Variants in TUBGCP3 observed in about 807,000 individuals in gnomAD.
TUBGCP3 encodes the protein tubulin gamma complex component 3, also known as gamma-tubulin complex component 3.
Under a neutral mutation model 123.1 loss-of-function variants are expected in TUBGCP3, and 50 were observed. That is an observed-to-expected ratio of 0.41 (90% CI 0.32 to 0.51). The LOEUF is 0.51. Among genes scored for constraint, TUBGCP3 ranks in the 20% least tolerant of loss-of-function variants. The probability of loss-of-function intolerance (pLI) is 0.36; values close to 1 mark genes in which losing one functional copy is unlikely to be tolerated. For missense variants in TUBGCP3, 882 were observed against 1,127.0 expected (o/e 0.78, Z 3.11); for synonymous variants, 405 against 413.9 (o/e 0.98, Z 0.26).
rs1594243952 is a variant in TUBGCP3, at chr13:112,587,988, C to G, written c.-8G>C. On this transcript the variant is annotated 5_prime_UTR_variant, in exon 1 of 22. Transcript: ENST00000261965. Reference sequence around the variant, plus strand: ...CTGGTCCGGGGTCGCCATCCTCGCCCGGAGCCGTGCACGGTGGTCCGGGCA... The same window carrying G: ...CTGGTCCGGGGTCGCCATCCTCGCCGGGAGCCGTGCACGGTGGTCCGGGCA... 6.4e-7 allele frequency: 1 copy of G among 1,566,814 alleles called. No homozygotes were observed. Among genetic ancestry groups the G allele is most frequent in the Non-Finnish European group, 8.6e-7 (1 of 1,159,442 alleles).
At chr13:112,563,849 T>C (rs1880729341) in intron 3 of TUBGCP3, among the ~76,000 whole-genome samples, 1 of 150,592 alleles carries the variant, frequency 6.6e-6, no homozygotes, top group South Asian at 2.1e-4. Flanking sequence ...CACTCCAGCC[T>C]GGGGCACAGA....
chr13:112,535,678 G>C (rs1385306147), intron 11 of TUBGCP3, among the ~76,000 whole-genome samples: 1 of 152,150 alleles, frequency 6.6e-6, no homozygotes, highest in Non-Finnish European at 1.5e-5. Flanking sequence ...TGGGATACTA[G>C]ACCATTATCA....
chr13:112,502,542 C>CTTTTTTT (rs10710530), intron 19 of TUBGCP3, among the ~76,000 whole-genome samples: 2 of 114,366 alleles, frequency 1.7e-5, no homozygotes, highest in Non-Finnish European at 3.5e-5. Flanking sequence ...TACATTTCTT[C>CTTTTTTT]TTTTTTTTTT....
chr13:112,572,395 C>A (rs1292618870), intron 1 of TUBGCP3, among the ~76,000 whole-genome samples: 1 of 152,052 alleles, frequency 6.6e-6, no homozygotes, highest in Non-Finnish European at 1.5e-5. Flanking sequence ...ACCTAATGAC[C>A]CGTCCTCTAA....
At chr13:112,514,473 G>C (rs1299022537) in intron 17 of TUBGCP3, among the ~76,000 whole-genome samples, 3 of 152,058 alleles carry the variant, frequency 2.0e-5, no homozygotes, top group Admixed American at 6.5e-5. Flanking sequence ...GCAACAAAGG[G>C]GGACCCCATC....
At chr13:112,550,045 G>A (rs1461599470) in intron 8 of TUBGCP3, among the ~76,000 whole-genome samples, 1 of 148,504 alleles carries the variant, frequency 6.7e-6, no homozygotes, top group Non-Finnish European at 1.5e-5. Context: ...CAAAACAACA[G>A]GAATCAGAAG....
At chr13:112,498,857 G>A in intron 20 of TUBGCP3, 188 bp downstream of exon 20, 11 of 1,605,674 alleles carry the variant, frequency 6.9e-6, no homozygotes, top group Non-Finnish European at 9.4e-6. Context: ...GGATGATGAT[G>A]CCAGTGAGGG....
chr13:112,540,198 T>A (rs1283852671), intron 11 of TUBGCP3, among the ~76,000 whole-genome samples: 1 of 143,702 alleles, frequency 7.0e-6, no homozygotes, highest in Non-Finnish European at 1.5e-5. Flanking sequence ...TACCTGGGAG[T>A]GATGACGTCA....
At chr13:112,544,619 T>A (rs569158063) in intron 11 of TUBGCP3, 1 of 152,196 alleles carries the variant, frequency 6.6e-6, no homozygotes, top group Middle Eastern at 3.4e-3. Flanking sequence ...ATCATCTCCA[T>A]CAACAGGACA....
chr13:112,519,194 A>G lies in TUBGCP3; in HGVS notation c.1882-151T>C. 1.5e-6 allele frequency: 1 copy of G among 658,810 alleles called. No homozygotes were observed. Among genetic ancestry groups the G allele is most frequent in the Non-Finnish European group, 2.8e-6 (1 of 361,252 alleles). The allele number at this position is 658,810 out of a possible 1,614,324, so 40.8% of individuals were successfully genotyped here. On this transcript the variant is annotated intron_variant, in intron 15 of 21. Coordinates refer to ENST00000261965, the MANE Select transcript of TUBGCP3 (RefSeq NM_006322.6). This position sits in a 1 kb window ranked among gnomAD's most constrained non-coding sequence, Gnocchi z 6.2. ...TCTTCTTGTTAACTTCTACAACCTC[A>G]CCAATTAGGCAATAATGAGCACACA... is the stretch of plus-strand genomic sequence containing the variant.
chr13:112,566,962 A>G (rs567042999), intron 2 of TUBGCP3, among the ~76,000 whole-genome samples: 2 of 152,366 alleles, frequency 1.3e-5, no homozygotes, highest in Admixed American at 6.5e-5. Flanking sequence ...TAACTTCTCC[A>G]TATTATTCCA....
At chr13:112,563,635 G>A (rs1373324112) in intron 3 of TUBGCP3, among the ~76,000 whole-genome samples, 3 of 151,198 alleles carry the variant, frequency 2.0e-5, no homozygotes, top group South Asian at 2.1e-4. Flanking sequence ...AGGCCGAGAC[G>A]GACAGATCAC....
chr13:112,486,504 A>T (rs1046180593), intron 21 of TUBGCP3, among the ~76,000 whole-genome samples: 3 of 152,282 alleles, frequency 2.0e-5, no homozygotes, highest in Non-Finnish European at 4.4e-5. Flanking sequence ...TATTTTGAAT[A>T]CAAAACTCAG....
intron 8 of TUBGCP3, among the ~76,000 whole-genome samples, chr13:112,553,592 A>G (rs1165876054): frequency 6.6e-6 from 1 of 152,224 alleles, no homozygotes; most frequent in African/African-American, 2.4e-5. Flanking sequence ...AGGGCTGTCC[A>G]GACAGCCATA....
chr13:112,518,076 C>T (rs919009309), intron 16 of TUBGCP3, among the ~76,000 whole-genome samples: 1 of 151,942 alleles, frequency 6.6e-6, no homozygotes, highest in African/African-American at 2.4e-5. Context: ...AGGTTACACA[C>T]CAGGAATTTA....
the TUBGCP3 span, among the ~76,000 whole-genome samples, chr13:112,599,881 GA>G: frequency 1.3e-5 from 2 of 152,194 alleles, no homozygotes; most frequent in African/African-American, 4.8e-5. Flanking sequence ...TAGATTTACA[GA>G]AAAATTGAGA....
At chr13:112,489,966 G>A (rs541405499) in intron 20 of TUBGCP3, 2 of 470,512 alleles carry the variant, frequency 4.3e-6, no homozygotes, top group Non-Finnish European at 3.8e-6. Flanking sequence ...ATGTAACAAG[G>A]TATATAATTC....
At chr13:112,503,975 C>A in intron 19 of TUBGCP3, 57 bp downstream of exon 19, 1 of 1,547,450 alleles carries the variant, frequency 6.5e-7, no homozygotes. Context: ...TGACAGGAAC[C>A]CAAGAAAAGA....
At position 112,524,187 on chromosome 13, in the gene TUBGCP3, G is replaced by A. The variant is rs777570104; in HGVS notation, c.1556-1678C>T. Among the ~76,000 whole-genome samples the A allele has an allele frequency of 9.2e-5, 14 of 152,196 alleles. No homozygotes were observed. The highest frequency in any genetic ancestry group is 3.4e-3 in the Middle Eastern group (1 of 294). On this transcript the variant is annotated intron_variant, in intron 13 of 21. Coordinates refer to ENST00000261965, the MANE Select transcript of TUBGCP3 (RefSeq NM_006322.6). This position sits in a 1 kb window ranked among gnomAD's most constrained non-coding sequence, Gnocchi z 4.4. ...AACCTACACACATCTTCCCATATAC[G>A]GTAAATCATCTCTAAATTACTTATA...
Sources: allele counts gnomAD v4.1 joint callset (sites outside exome capture counted in the v4.1 genomes callset), GRCh38; gene constraint gnomAD v4.1.1; non-coding constraint Gnocchi (gnomAD v3.1); transcripts MANE v1.5; gene names NCBI Gene and HGNC (gene_info 2026-07-23, HGNC 2026-07-21).